Variants in PLCB1 observed in about 807,000 individuals in gnomAD.
PLCB1 encodes 1-phosphatidylinositol 4,5-bisphosphate phosphodiesterase beta-1.
In PLCB1, 46 loss-of-function variants were observed where a neutral mutation model predicts 161.8. That is an observed-to-expected ratio of 0.28 (90% confidence interval 0.22 to 0.36). The LOEUF (loss-of-function observed/expected upper bound fraction) is 0.36, where lower values mean the gene tolerates loss of function less well. Among genes scored for constraint, PLCB1 ranks in the 10% least tolerant of loss-of-function variants. The pLI, the probability that PLCB1 is intolerant of heterozygous loss-of-function variation, is 1.00. For synonymous variants in PLCB1, 517 were observed against 503.7 expected, an observed-to-expected ratio of 1.03 and a Z score of -0.35; for missense variants, 1,016 against 1,472.5, an observed-to-expected ratio of 0.69 and a Z score of 5.07.
intron 2 of PLCB1, among the ~76,000 whole-genome samples, chr20:8,322,468 AT>A (rs199584198): frequency 1.3e-5 from 2 of 152,070 alleles, no homozygotes; most frequent in Non-Finnish European, 2.9e-5. Flanking sequence ...AAAGTGTAAA[AT>A]TTTTAAAAAA....
At chr20:8,287,527 G>T (rs1395698238) in intron 2 of PLCB1, among the ~76,000 whole-genome samples, 1 of 152,218 alleles carries the variant, frequency 6.6e-6, no homozygotes, top group Non-Finnish European at 1.5e-5. Flanking sequence ...ATTCCTACAG[G>T]GCTGGAAAGC....
intron 2 of PLCB1, among the ~76,000 whole-genome samples, chr20:8,158,994 G>T (rs2051593068): frequency 2.0e-5 from 3 of 152,120 alleles, no homozygotes; most frequent in Admixed American, 2.0e-4. Flanking sequence ...GTTGTAGGTG[G>T]ATCTACCATT....
intron 19 of PLCB1, 54 bp from the exon 20 acceptor site, chr20:8,736,974 T>G (rs1980617067): frequency 1.5e-6 from 2 of 1,366,904 alleles, no homozygotes; most frequent in East Asian, 2.3e-5. Flanking sequence ...CTTATGTCTT[T>G]GTTATTTGCA....
chr20:8,626,460 G>A (rs542506187), intron 3 of PLCB1, among the ~76,000 whole-genome samples: 1 of 152,168 alleles, frequency 6.6e-6, no homozygotes, highest in African/African-American at 2.4e-5. Context: ...TGTTTATCAA[G>A]TTTTGAGCAA....
At chr20:8,624,489 T>A (rs191009765) in intron 3 of PLCB1, among the ~76,000 whole-genome samples, 1 of 152,224 alleles carries the variant, frequency 6.6e-6, no homozygotes, top group Non-Finnish European at 1.5e-5. Context: ...TAAAAAGTGG[T>A]ATTAAAAAGT....
Position 8,331,923 on chromosome 20 carries a change from A to G in PLCB1, c.178-39459A>G, listed in dbSNP as rs1026816696. Among the ~76,000 whole-genome samples, 6 of 152,208 alleles carry G rather than the reference A, an allele frequency of 3.9e-5. No individual in the cohort carries two copies. In the South Asian group the frequency reaches 1.2e-3, roughly 32 times the overall value. On this transcript the variant is annotated intron_variant, in intron 2 of 31. Coordinates refer to ENST00000338037, the MANE Select transcript of PLCB1 (RefSeq NM_015192.4). ...CAGCATAGGTAAGACAATTGGATCGAGAATTAGCAAATGTAGGATTTAGGC... is the reference window on the plus strand; with the variant it reads ...CAGCATAGGTAAGACAATTGGATCGGGAATTAGCAAATGTAGGATTTAGGC...
At chr20:8,841,604 G>C (rs1384285057) in intron 31 of PLCB1, among the ~76,000 whole-genome samples, 1 of 152,098 alleles carries the variant, frequency 6.6e-6, no homozygotes, top group Non-Finnish European at 1.5e-5. Flanking sequence ...AAATCCTTTT[G>C]CTGGCAAGGG....
At chr20:8,652,890 T>G (rs1424697032) in intron 7 of PLCB1, 1 of 152,084 alleles carries the variant, frequency 6.6e-6, no homozygotes, top group African/African-American at 2.4e-5. Context: ...TAGTACTGTA[T>G]CCAAAGAGAG....
intron 2 of PLCB1, among the ~76,000 whole-genome samples, chr20:8,299,831 C>T (rs549657872): frequency 5.8e-4 from 88 of 152,286 alleles, no homozygotes; most frequent in African/African-American, 1.9e-3. Context: ...AATCCACCCA[C>T]TTCTCTCCAT....
intron 2 of PLCB1, among the ~76,000 whole-genome samples, chr20:8,361,138 C>T (rs1321291770): frequency 6.6e-6 from 1 of 152,208 alleles, no homozygotes; most frequent in East Asian, 1.9e-4. Flanking sequence ...ATCAGCCGAG[C>T]ATTTTTAGAA....
chr20:8,425,285 C>T (rs1387608386), intron 3 of PLCB1, among the ~76,000 whole-genome samples: 1 of 152,154 alleles, frequency 6.6e-6, no homozygotes, highest in East Asian at 1.9e-4. Flanking sequence ...AGACAGCCAA[C>T]TTCCCATCTG....
chr20:8,675,089 G>A (rs1489290883), intron 9 of PLCB1, among the ~76,000 whole-genome samples: 1 of 152,032 alleles, frequency 6.6e-6, no homozygotes, highest in African/African-American at 2.4e-5. Flanking sequence ...ATAATTTCCT[G>A]GCGATTGAAT....
At chr20:8,548,122 T>C (rs2122982176) in intron 3 of PLCB1, among the ~76,000 whole-genome samples, 1 of 150,694 alleles carries the variant, frequency 6.6e-6, no homozygotes, top group Admixed American at 6.6e-5. Context: ...TCCTTCCTTT[T>C]CTTTTTTTCC....
intron 1 of PLCB1, among the ~76,000 whole-genome samples, chr20:8,138,945 G>T (rs890489283): frequency 1.3e-4 from 19 of 149,794 alleles, no homozygotes; most frequent in African/African-American, 4.4e-4. Flanking sequence ...CATTTATCAA[G>T]AAACTAAATT....
At chr20:8,510,543 G>T (rs762678156) in intron 3 of PLCB1, among the ~76,000 whole-genome samples, 1 of 151,810 alleles carries the variant, frequency 6.6e-6, no homozygotes, top group African/African-American at 2.4e-5. Flanking sequence ...GGGCCACCAC[G>T]CCCAGCTAAT....
chr20:8,725,553 A>G (rs138070650), intron 16 of PLCB1, among the ~76,000 whole-genome samples: 61 of 152,274 alleles, frequency 4.0e-4, no homozygotes, highest in African/African-American at 1.4e-3. Flanking sequence ...AATCTTACAA[A>G]AAGTCTTCAC....
chr20:8,463,820 T>G (rs575833903), intron 3 of PLCB1, among the ~76,000 whole-genome samples: 3 of 152,288 alleles, frequency 2.0e-5, no homozygotes, highest in African/African-American at 7.2e-5. Flanking sequence ...AATTACACCT[T>G]CCTAAACCAC....
At chr20:8,726,091 A>G (rs921226848) in intron 16 of PLCB1, among the ~76,000 whole-genome samples, 3 of 152,146 alleles carry the variant, frequency 2.0e-5, no homozygotes, top group Non-Finnish European at 4.4e-5. Context: ...GGAAATCATT[A>G]AGAAGAACGA....
intron 3 of PLCB1, among the ~76,000 whole-genome samples, chr20:8,408,527 T>A (rs1188660785): frequency 1.3e-5 from 2 of 151,872 alleles, no homozygotes; most frequent in Non-Finnish European, 2.9e-5. Context: ...AAAAAAAAAA[T>A]CAGATTATGG....
Sources: allele counts gnomAD v4.1 joint callset (sites outside exome capture counted in the v4.1 genomes callset), GRCh38; gene constraint gnomAD v4.1.1; transcripts MANE v1.5; gene names NCBI Gene and HGNC (gene_info 2026-07-23, HGNC 2026-07-21).